Variants in FSIP2 observed in about 807,000 individuals in gnomAD.
FSIP2 encodes the protein fibrous sheath interacting protein 2.
FSIP2 carries 367 observed loss-of-function variants against 510.5 expected under a neutral mutation model. The ratio of observed to expected loss-of-function variants is 0.72; its 90% confidence interval spans 0.66 to 0.78. The LOEUF (loss-of-function observed/expected upper bound fraction) is 0.78. Ranked by LOEUF, FSIP2 falls within the 30% of genes least tolerant of loss-of-function variation. The pLI is 0.00. For synonymous variants in FSIP2, 2,601 were observed against 2,732.2 expected (o/e 0.95, Z 1.50); for missense variants, 7,594 against 7,901.7 (o/e 0.96, Z 1.48).
chr2:185,824,505 G>C, intron 20 of FSIP2, 25 bp downstream of exon 20: 2 of 1,423,954 alleles, frequency 1.4e-6, no homozygotes, highest in Middle Eastern at 1.8e-4. Context: ...TCTTAAATTA[G>C]AGAGTATTTT....
intron 13 of FSIP2, chr2:185,765,277 C>T (rs1692444733): frequency 1.3e-5 from 2 of 151,980 alleles, no homozygotes; most frequent in Admixed American, 6.6e-5. Context: ...CACAAGCAAG[C>T]CAATTAACAT....
chr2:185,804,812 A>G lies in FSIP2; in HGVS notation c.15506A>G (p.Glu5169Gly). 1 of 1,532,872 alleles carries G rather than the reference A, an allele frequency of 6.5e-7. No homozygotes were observed. The allele number at this position is 1,532,872 out of a possible 1,614,324, so 95.0% of individuals were successfully genotyped here. The change falls in exon 17 of 23, where the codon GAG becomes GGG. Residue 5169 changes from glutamate to glycine, a missense_variant. Coordinates refer to ENST00000424728, the MANE Select transcript of FSIP2 (RefSeq NM_173651.4). ...DEIIKEISEHEIRLSMAEDNA... is the reference protein window; with the variant it reads ...DEIIKEISEHGIRLSMAEDNA... ...ATTATAAAAGAAATTTCTGAACATG[A>G]GATTCGACTTTCCATGGCAGAGGAT...
At chr2:185,740,523 G>C (rs1478955576) in intron 2 of FSIP2, 1 of 152,112 alleles carries the variant, frequency 6.6e-6, no homozygotes, top group African/African-American at 2.4e-5. Flanking sequence ...TAATGTCTAT[G>C]ATGTCATCAG....
chr2:185,754,024 A>C (rs1376156620), intron 8 of FSIP2, among the ~76,000 whole-genome samples, 182 bp downstream of exon 8: 4 of 151,494 alleles, frequency 2.6e-5, no homozygotes, highest in Non-Finnish European at 5.9e-5. Context: ...ATGATAACAA[A>C]TTATAACAAT....
At chr2:185,741,964 A>C (rs1285446993) in intron 2 of FSIP2, among the ~76,000 whole-genome samples, 1 of 152,156 alleles carries the variant, frequency 6.6e-6, no homozygotes. Context: ...GAGGACCCAA[A>C]TTGGTGCCTC....
chr2:185,748,844 T>C (rs114041931), intron 7 of FSIP2, among the ~76,000 whole-genome samples: 1,854 of 152,184 alleles, frequency 0.012, 40 homozygotes, highest in African/African-American at 0.042. Context: ...CTTTTGTGAA[T>C]CTTGTTTTAC....
At chr2:185,828,570 C>T (rs998575427) in intron 21 of FSIP2, among the ~76,000 whole-genome samples, 2 of 151,738 alleles carry the variant, frequency 1.3e-5, no homozygotes, top group African/African-American at 2.4e-5. Flanking sequence ...AAGTGAGCAA[C>T]GTGGGGAGGT....
Position 185,796,424 on chromosome 2 carries a change from G to T in FSIP2, c.9288G>T (p.Lys3096Asn). 1.3e-6 allele frequency: 2 copies of T among 1,534,570 alleles called. No individual in the cohort carries two copies. The highest frequency in any genetic ancestry group is 1.7e-6 in the Non-Finnish European group (2 of 1,146,028). Residue 3096 changes from lysine to asparagine, a missense_variant, in exon 16 of 23, where the codon AAG (lysine) becomes AAT (asparagine). Lys to Asn is a moderately conservative substitution (Grantham distance 94). Transcript: ENST00000424728. The stretch of plus-strand genomic sequence containing the variant: ...ACATGCTTGCTGTAATTAAGAACAA[G>T]CTAGACAACGAAATAAGCCAAATGG... ...ISDMLAVIKN[K>N]LDNEISQMEP...
At chr2:185,777,888 T>G (rs923583667) in intron 13 of FSIP2, among the ~76,000 whole-genome samples, 7 of 152,092 alleles carry the variant, frequency 4.6e-5, no homozygotes, top group Non-Finnish European at 7.4e-5. Context: ...TGTTGCCTGC[T>G]TTTACTATTT....
At position 185,805,751 on chromosome 2, in the gene FSIP2, T is replaced by A; in HGVS notation, c.16445T>A (p.Val5482Glu). Residue 5482 changes from valine to glutamate, a missense_variant, in exon 17 of 23, where the codon GTG becomes GAG. By Grantham distance (121) the Val-to-Glu change is moderately radical (BLOSUM62 -2). Transcript: ENST00000424728. Reference protein sequence around the residue: ...KKSFKTKDTSVKKGDIQNPVL... With the variant: ...KKSFKTKDTSEKKGDIQNPVL... ...AGTTTTAAAACCAAGGACACATCAG[T>A]GAAAAAAGGTGACATCCAAAATCCA... The A allele has an allele frequency of 6.3e-7, 1 of 1,599,162 alleles. No individual in the cohort carries two copies.
rs1016115399 is a variant in FSIP2 at position 185,759,506 on chromosome 2, C to T, written c.1079-1482C>T. Among the ~76,000 whole-genome samples, 22 of 141,774 alleles carry T rather than the reference C, an allele frequency of 1.6e-4. 1 individual carries two copies. Among genetic ancestry groups the T allele is most frequent in the Non-Finnish European group, 2.3e-4 (15 of 65,030 alleles). 93.0% of individuals were successfully genotyped at this position (141,774 alleles called of 152,430 possible). ...ACATATATTTATATTATATTATTTA[C>T]AGTATATAATATATAAGATAATTAA... On this transcript the variant is annotated intron_variant, in intron 9 of 22. Transcript: ENST00000424728.
At chr2:185,783,573 T>G (rs891613772) in intron 14 of FSIP2, 1 of 152,142 alleles carries the variant, frequency 6.6e-6, no homozygotes, top group African/African-American at 2.4e-5. Flanking sequence ...ACTTTAAGAC[T>G]GATAAATATC....
Position 185,757,489 on chromosome 2 carries a change from CATT to C in FSIP2, c.1078+1212_1078+1214del, listed in dbSNP as rs1374821329. 1.3e-5 allele frequency among the ~76,000 whole-genome samples: 2 copies of C among 151,228 alleles called. 1 individual carries two copies. Among genetic ancestry groups the C allele is most frequent in the Middle Eastern group, 6.3e-3 (2 of 316 alleles). ...TTGTTTCAGTGAAGGGTATGTGAGTCATTGTAGGCTTTTTGTGAATTTTAAAAA... is the reference window on the plus strand; with the variant it reads ...TTGTTTCAGTGAAGGGTATGTGAGTCGTAGGCTTTTTGTGAATTTTAAAAA... On this transcript the variant is annotated intron_variant, in intron 9 of 22. Coordinates refer to ENST00000424728, the MANE Select transcript of FSIP2 (RefSeq NM_173651.4).
chr2:185,799,229 T>C (rs536260019), intron 16 of FSIP2, among the ~76,000 whole-genome samples: 1 of 152,020 alleles, frequency 6.6e-6, no homozygotes, highest in South Asian at 2.1e-4. Context: ...TGCCACACTT[T>C]TATTTTAGTC....
At chr2:185,756,094 G>T in intron 8 of FSIP2, 98 bp from the exon 9 acceptor site, 1 of 447,432 alleles carries the variant, frequency 2.2e-6, no homozygotes, top group South Asian at 5.2e-5. Context: ...TTAGCATATA[G>T]TTCAGCTCCT....
At chr2:185,820,022 G>C (rs1431137687) in intron 19 of FSIP2, among the ~76,000 whole-genome samples, 1 of 151,844 alleles carries the variant, frequency 6.6e-6, no homozygotes, top group Non-Finnish European at 1.5e-5. Context: ...CAATCATGGA[G>C]AGACAACTAA....
chr2:185,805,902 T>C lies in FSIP2; in HGVS notation c.16596T>C (p.His5532=). The change falls in exon 17 of 23, where the codon CAT becomes CAC. Residue 5532 remains histidine (H), a synonymous_variant. Coordinates refer to ENST00000424728, the MANE Select transcript of FSIP2 (RefSeq NM_173651.4). ...AAGTGGGAATTTGTACTCAAAAACA[T>C]AGTGAGAATGTATCAAAAGTTACTT... ...ENKVGICTQK[H]SENVSKVTST... is the part of the protein sequence containing the mutation. 2.5e-6 allele frequency: 4 copies of C among 1,605,390 alleles called. No individual in the cohort carries two copies. The highest frequency in any genetic ancestry group is 2.5e-6 in the Non-Finnish European group (3 of 1,177,024).
At position 185,744,340 on chromosome 2, in the gene FSIP2, G is replaced by T. The variant is rs1691982846; in HGVS notation, c.406G>T (p.Glu136Ter). 2.5e-6 allele frequency: 3 copies of T among 1,204,720 alleles called. No individual in the cohort carries two copies. The highest frequency in any genetic ancestry group is 1.6e-5 in the African/African-American group (1 of 63,176). The allele number at this position is 1,204,720 out of a possible 1,614,324, so 74.6% of individuals were successfully genotyped here. Reference sequence around the variant, plus strand: ...TTTGTAGGTTGTATGTACCTTGAGAGAATTGAATAAGTACAGGCAATATCT... The same window carrying T: ...TTTGTAGGTTGTATGTACCTTGAGATAATTGAATAAGTACAGGCAATATCT... Reference protein sequence around the residue: ...SNNKVVCTLRELNKYRQYLTS... With the variant: ...SNNKVVCTLR Residue 136 changes from glutamate to a stop codon, truncating the protein, a stop_gained, in exon 4 of 23, where the codon GAA becomes TAA. Coordinates refer to ENST00000424728, the MANE Select transcript of FSIP2 (RefSeq NM_173651.4). LOFTEE classifies it high-confidence loss of function.
chr2:185,761,038 A>G lies in FSIP2; in HGVS notation c.1129A>G (p.Thr377Ala), dbSNP rs1369668552. The G allele has an allele frequency of 1.5e-5, 22 of 1,510,670 alleles. No individual in the cohort carries two copies. Among genetic ancestry groups the G allele is most frequent in the Non-Finnish European group, 1.9e-5 (22 of 1,128,388 alleles). The allele number at this position is 1,510,670 out of a possible 1,614,324, so 93.6% of individuals were successfully genotyped here. ...HQRQNSSNNFTKKNSASVVYQ... is the reference protein window; with the variant it reads ...HQRQNSSNNFAKKNSASVVYQ... ...GCGTCAAAATAGTTCAAATAATTTT[A>G]CGAAAAAAAACTCAGCTTCTGTTGT... Residue 377 changes from threonine (T) to alanine (A), a missense_variant, in exon 10 of 23, where the codon ACG (threonine) becomes GCG (alanine). Coordinates refer to ENST00000424728, the MANE Select transcript of FSIP2 (RefSeq NM_173651.4).
Sources: gnomAD v4.1 joint callset for allele counts (sites outside exome capture counted in the v4.1 genomes callset) on GRCh38, gnomAD v4.1.1 for gene constraint, MANE v1.5 for transcripts, NCBI Gene and HGNC (gene_info 2026-07-23, HGNC 2026-07-21) for gene names.